SGO1: variants seen among roughly 807,000 people sequenced by gnomAD.
The protein encoded by SGO1 is shugoshin 1.
SGO1 carries 39 observed loss-of-function variants against 50.5 expected under a neutral mutation model. That is an observed-to-expected ratio of 0.77 (90% CI 0.60 to 1.01). SGO1 has a LOEUF of 1.01. SGO1 is among the 50% of genes least tolerant of loss of function. The pLI is 0.00. For missense variants in SGO1, 638 were observed against 606.0 expected, an observed-to-expected ratio of 1.05 and a Z score of -0.55; for synonymous variants, 191 against 205.1, an observed-to-expected ratio of 0.93 and a Z score of 0.59.
Position 20,183,982 on chromosome 3 carries a change from C to T in SGO1, c.46G>A (p.Glu16Lys), listed in dbSNP as rs778753212. The T allele has an allele frequency of 5.6e-6, 9 of 1,607,744 alleles. No individual in the cohort carries two copies. The highest frequency in any genetic ancestry group is 7.6e-6 in the Non-Finnish European group (9 of 1,178,556). The change falls in exon 2 of 8, where the codon GAA becomes AAA. Residue 16 changes from glutamate (E) to lysine (K), a missense_variant. By Grantham distance (56) the Glu-to-Lys change is moderately conservative. Coordinates refer to ENST00000412997, the MANE Select transcript of SGO1 (RefSeq NM_001199251.3). ...CLKKSFQDSL[E>K]DIKKRMKEKR... ...TCTTTCATTCGCTTCTTTATGTCTTCAAGACTATCTTGAAAGGACTTTTTC... is the reference window on the plus strand; with the variant it reads ...TCTTTCATTCGCTTCTTTATGTCTTTAAGACTATCTTGAAAGGACTTTTTC...
At chr3:20,168,863 C>T, downstream of SGO1, 1 of 735,922 alleles carries the variant, frequency 1.4e-6, no homozygotes. Flanking sequence ...ATCTCCTTGA[C>T]CTCTCGTGAT....
rs7612351 is a variant in SGO1, at chr3:20,173,602, G to T, written c.1282+647C>A. On this transcript the variant is annotated intron_variant, in intron 6 of 7. Coordinates refer to ENST00000412997, the MANE Select transcript of SGO1 (RefSeq NM_001199251.3). ...TTCTGAGGATCAAATAAAATGATGT[G>T]ACAATATTTTGAAAATGATACAACT... Among the ~76,000 whole-genome samples the T allele has an allele frequency of 5.2e-3, 790 of 152,272 alleles. 11 individuals are homozygous for T. Among genetic ancestry groups the T allele is most frequent in the African/African-American group, 0.018 (729 of 41,540 alleles).
chr3:20,185,607 C>T (rs1043763936), intron 1 of SGO1, among the ~76,000 whole-genome samples: 6 of 152,174 alleles, frequency 3.9e-5, no homozygotes, highest in Non-Finnish European at 8.8e-5. Flanking sequence ...GCCGGCCTCT[C>T]CAGGGTAAGT....
chr3:20,178,181 T>C (rs193144321), intron 4 of SGO1, 90 bp downstream of exon 4: 6 of 899,800 alleles, frequency 6.7e-6, no homozygotes, highest in African/African-American at 3.3e-5. Flanking sequence ...AATATAAGAG[T>C]TGACATGATG....
rs191024834 is a variant in SGO1 at position 20,172,139 on chromosome 3, A to G, written c.1283-907T>C. ...TTTGAGAAATATGTTGTTTGGAACA[A>G]TATCAGATCAGTTGCTATATTCTGG... On this transcript the variant is annotated intron_variant, in intron 6 of 7. Transcript: ENST00000412997. Among the ~76,000 whole-genome samples, 584 of 152,352 alleles carry G rather than the reference A, an allele frequency of 3.8e-3. 4 individuals carry two copies. The highest frequency in any genetic ancestry group is 5.2e-3 in the Non-Finnish European group (351 of 68,030).
At chr3:20,171,717 T>C (rs1209096539) in intron 6 of SGO1, among the ~76,000 whole-genome samples, 1 of 152,214 alleles carries the variant, frequency 6.6e-6, no homozygotes, top group East Asian at 1.9e-4. Context: ...TACCAAGGTT[T>C]ATTATCAAGT....
At chr3:20,169,296 T>C (rs1314051406), downstream of SGO1, 4 of 984,804 alleles carry the variant, frequency 4.1e-6, no homozygotes, top group East Asian at 1.1e-4. Flanking sequence ...GTTGAAAGTA[T>C]GGAGGGGAAG....
At chr3:20,163,929 T>G (rs1484027861) in intron 8 of SGO1, among the ~76,000 whole-genome samples, 1 of 152,208 alleles carries the variant, frequency 6.6e-6, no homozygotes, top group African/African-American at 2.4e-5. Flanking sequence ...ACATCAACTT[T>G]AAAAATGAAT....
chr3:20,169,146 A>G (rs1458624664), downstream of SGO1: 3 of 985,388 alleles, frequency 3.0e-6, no homozygotes, highest in East Asian at 2.3e-4. Context: ...TCTGACTGAC[A>G]TAGAATACAG....
intron 3 of SGO1, among the ~76,000 whole-genome samples, chr3:20,180,173 G>A (rs1370500743): frequency 6.6e-6 from 1 of 152,074 alleles, no homozygotes; most frequent in Non-Finnish European, 1.5e-5. Flanking sequence ...TGGTGTTCCA[G>A]CTATTCAGGA....
chr3:20,171,631 A>G (rs1700753961), intron 6 of SGO1, among the ~76,000 whole-genome samples: 1 of 152,238 alleles, frequency 6.6e-6, no homozygotes, highest in African/African-American at 2.4e-5. Context: ...TAGCTTGGGC[A>G]TAATAACTTT....
downstream of SGO1, among the ~76,000 whole-genome samples, chr3:20,167,749 C>CA (rs1371722242): frequency 5.3e-5 from 8 of 152,106 alleles, no homozygotes; most frequent in Non-Finnish European, 1.2e-4. Flanking sequence ...ATTGGTGGAA[C>CA]CACTGTAGGA....
intron 1 of SGO1, 92 bp from the exon 2 acceptor site, chr3:20,184,126 G>A (rs1702353788): frequency 1.0e-6 from 1 of 964,018 alleles, no homozygotes; most frequent in Non-Finnish European, 1.5e-6. Flanking sequence ...GCATTAAATA[G>A]ACTAAACTGT....
At chr3:20,180,688 T>C (rs1575241951) in intron 3 of SGO1, among the ~76,000 whole-genome samples, 1 of 152,224 alleles carries the variant, frequency 6.6e-6, no homozygotes, top group African/African-American at 2.4e-5. Flanking sequence ...CAGATCTCTG[T>C]TATGAAGATG....
At chr3:20,178,986 G>C (rs1701709268) in intron 3 of SGO1, among the ~76,000 whole-genome samples, 1 of 152,108 alleles carries the variant, frequency 6.6e-6, no homozygotes, top group Non-Finnish European at 1.5e-5. Context: ...AGAGCTGAGA[G>C]GTCATCATTG....
intron 4 of SGO1, among the ~76,000 whole-genome samples, 162 bp from the exon 5 acceptor site, chr3:20,176,821 T>C (rs951895296): frequency 2.0e-5 from 3 of 152,246 alleles, no homozygotes; most frequent in Non-Finnish European, 2.9e-5. Flanking sequence ...AGGACACTTA[T>C]GCTGATTACA....
At chr3:20,178,691 A>G in intron 3 of SGO1, among the ~76,000 whole-genome samples, 1 of 152,222 alleles carries the variant, frequency 6.6e-6, no homozygotes, top group Non-Finnish European at 1.5e-5. Context: ...ACTGCAAAGG[A>G]GCTAGCCACT....
At position 20,169,549 on chromosome 3, in the gene SGO1, G is replaced by A. The variant is rs1700511153; in HGVS notation, c.*1155C>T. 1.0e-6 allele frequency: 1 copy of A among 984,068 alleles called. No individual in the cohort carries two copies. The highest frequency in any genetic ancestry group is 1.2e-6 in the Non-Finnish European group (1 of 828,728). The allele number at this position is 984,068 out of a possible 1,614,324, so 61.0% of individuals were successfully genotyped here. On this transcript the variant is annotated 3_prime_UTR_variant, in exon 8 of 8. Coordinates refer to ENST00000412997, the MANE Select transcript of SGO1 (RefSeq NM_001199251.3). ...CTACAAAGTTCTAAAATTTAAAGAG[G>A]TATATACAAGTATAGACATCAAACT...
chr3:20,171,374 T>C (rs1700727797), intron 6 of SGO1, 142 bp from the exon 7 acceptor site: 2 of 612,370 alleles, frequency 3.3e-6, no homozygotes, highest in Admixed American at 7.5e-5. Flanking sequence ...GCTCTCACTG[T>C]GTTGCCCAGG....
Sources: allele counts gnomAD v4.1 joint callset (sites outside exome capture counted in the v4.1 genomes callset), GRCh38; gene constraint gnomAD v4.1.1; transcripts MANE v1.5; gene names NCBI Gene and HGNC (gene_info 2026-07-23, HGNC 2026-07-21).